The following SPAG17 variants were observed in gnomAD, a reference collection of about 807,000 sequenced individuals.
SPAG17 encodes the protein sperm-associated antigen 17.
A neutral mutation model predicts 273.6 loss-of-function variants in SPAG17; 169 were observed. The observed-to-expected ratio is 0.62, with a 90% CI of 0.55 to 0.70. SPAG17 has a LOEUF of 0.70. Among genes scored for constraint, SPAG17 ranks in the 30% least tolerant of loss-of-function variants. The pLI, the probability that SPAG17 is intolerant of heterozygous loss-of-function variation, is 0.00. For synonymous variants in SPAG17, 825 were observed against 873.2 expected (o/e 0.94, Z 0.97); for missense variants, 2,557 against 2,627.8 (o/e 0.97, Z 0.59).
At chr1:118,134,282 G>C (rs887610507) in intron 3 of SPAG17, among the ~76,000 whole-genome samples, 13 of 151,994 alleles carry the variant, frequency 8.6e-5, no homozygotes, top group Non-Finnish European at 1.5e-5. Flanking sequence ...ACTGAATAAG[G>C]ATTTAGAAAA....
At chr1:118,114,178 G>C (rs1242232959) in intron 4 of SPAG17, among the ~76,000 whole-genome samples, 1 of 152,044 alleles carries the variant, frequency 6.6e-6, no homozygotes, top group Non-Finnish European at 1.5e-5. Flanking sequence ...TAATTACCCT[G>C]AGTATTTCTT....
At chr1:118,035,925 G>A (rs79871959) in intron 24 of SPAG17, among the ~76,000 whole-genome samples, 49 of 152,162 alleles carry the variant, frequency 3.2e-4, no homozygotes, top group African/African-American at 1.2e-3. Context: ...AGGTGCAGTG[G>A]TTCACGTTTG....
chr1:118,059,142 A>T (rs1008945807), intron 18 of SPAG17, among the ~76,000 whole-genome samples: 9 of 152,176 alleles, frequency 5.9e-5, no homozygotes, highest in Non-Finnish European at 1.3e-4. Context: ...ATCTAAATAG[A>T]GGATTACTTT....
intron 28 of SPAG17, among the ~76,000 whole-genome samples, chr1:118,017,146 G>T (rs1326705782): frequency 6.6e-6 from 1 of 152,128 alleles, no homozygotes; most frequent in Non-Finnish European, 1.5e-5. Context: ...CCTAAAATTT[G>T]ATTTGGACAT....
intron 3 of SPAG17, among the ~76,000 whole-genome samples, chr1:118,143,149 A>C (rs1354545366): frequency 6.6e-6 from 1 of 152,238 alleles, no homozygotes; most frequent in Non-Finnish European, 1.5e-5. Flanking sequence ...ATATACCTTC[A>C]TGTTTTTGCC....
At chr1:118,065,600 T>C (rs1283279218) in intron 18 of SPAG17, among the ~76,000 whole-genome samples, 2 of 152,020 alleles carry the variant, frequency 1.3e-5, no homozygotes, top group Non-Finnish European at 2.9e-5. Flanking sequence ...ATAAAGAAGA[T>C]AACATAATGG....
At chr1:118,040,204 C>T (rs1649572172) in intron 22 of SPAG17, among the ~76,000 whole-genome samples, 1 of 152,108 alleles carries the variant, frequency 6.6e-6, no homozygotes, top group African/African-American at 2.4e-5. Context: ...GAGCTATCAT[C>T]CCTCAAAATT....
intron 31 of SPAG17, among the ~76,000 whole-genome samples, chr1:118,007,046 A>G (rs1186752083): frequency 6.6e-6 from 1 of 151,104 alleles, no homozygotes; most frequent in African/African-American, 2.4e-5. Context: ...AACATCTTCT[A>G]TTCTGTAGTT....
intron 18 of SPAG17, among the ~76,000 whole-genome samples, chr1:118,063,889 G>GA (rs1301720600): frequency 6.6e-6 from 1 of 151,814 alleles, no homozygotes; most frequent in Non-Finnish European, 1.5e-5. Flanking sequence ...GAATTTACAA[G>GA]AAAAAAACAA....
chr1:117,997,566 TAAA>T (rs11428560), intron 32 of SPAG17, among the ~76,000 whole-genome samples: 4 of 123,384 alleles, frequency 3.2e-5, no homozygotes, highest in Admixed American at 1.7e-4. Context: ...GAATGAGAAG[TAAA>T]AAAAAAAAAA....
In SPAG17 at chr1:118,091,920, T is replaced by C. The variant is rs1167083873; in HGVS notation, c.1246+10A>G. The C allele has an allele frequency of 1.2e-6, 2 of 1,613,410 alleles. No homozygotes were observed. Among genetic ancestry groups the C allele is most frequent in the African/African-American group, 2.7e-5 (2 of 74,910 alleles). On this transcript the variant is annotated intron_variant, in intron 9 of 48. Transcript: ENST00000336338. ...GGTGTTGATCCTCCAGCAGCCGATT[T>C]CATACATGCCTGGTGGTGGAGCTTG...
intron 20 of SPAG17, among the ~76,000 whole-genome samples, chr1:118,047,907 C>T (rs772679492): frequency 1.3e-5 from 2 of 152,184 alleles, no homozygotes; most frequent in Non-Finnish European, 2.9e-5. Flanking sequence ...CATGTTCCAG[C>T]AGACAAAAGG....
At chr1:118,055,184 A>C (rs1482735526) in intron 19 of SPAG17, among the ~76,000 whole-genome samples, 1 of 152,026 alleles carries the variant, frequency 6.6e-6, no homozygotes, top group Non-Finnish European at 1.5e-5. Context: ...CAACATCATC[A>C]ACAACAAAGG....
At chr1:118,099,333 G>A (rs1189088820) in intron 6 of SPAG17, among the ~76,000 whole-genome samples, 2 of 152,194 alleles carry the variant, frequency 1.3e-5, no homozygotes, top group African/African-American at 4.8e-5. Context: ...AGAAAAGGCA[G>A]TTGGATAACC....
intron 11 of SPAG17, 27 bp from the exon 12 acceptor site, chr1:118,086,811 T>G (rs1558002845): frequency 1.2e-6 from 2 of 1,613,992 alleles, no homozygotes; most frequent in Non-Finnish European, 1.7e-6. Flanking sequence ...AATATTGATT[T>G]AAAGAGAGGA....
intron 18 of SPAG17, among the ~76,000 whole-genome samples, chr1:118,062,962 T>C (rs1652508981): frequency 6.6e-6 from 1 of 152,134 alleles, no homozygotes. Context: ...TAGCCAAGTG[T>C]TTAAAATGAA....
chr1:118,027,352 A>T (rs965509669), intron 26 of SPAG17, among the ~76,000 whole-genome samples: 2 of 152,228 alleles, frequency 1.3e-5, no homozygotes, highest in African/African-American at 4.8e-5. Flanking sequence ...GCTGGGAAGT[A>T]AATAAAACAT....
At chr1:118,173,407 G>C (rs1660508411) in intron 1 of SPAG17, among the ~76,000 whole-genome samples, 2 of 152,052 alleles carry the variant, frequency 1.3e-5, no homozygotes, top group South Asian at 2.1e-4. Context: ...GCAGCCCAAG[G>C]GACTGTTTTA....
rs141197952 is a variant in SPAG17 at position 117,973,485 on chromosome 1, T to C, written c.6081A>G (p.Glu2027=). Residue 2027 remains glutamate, a synonymous_variant, in exon 44 of 49, where the codon GAA becomes GAG. Coordinates refer to ENST00000336338, the MANE Select transcript of SPAG17 (RefSeq NM_206996.4). ...GCAAATAATGAGGCAACTTCACTTT[T>C]TCTTTTCTTGTTTGTCCCGCAACAT... The part of the protein sequence containing the change: ...LQDVAGQTRK[E]KVKLPHYLLS... 7 of 1,613,998 alleles carry C rather than the reference T, an allele frequency of 4.3e-6. No homozygotes were observed. The highest frequency in any genetic ancestry group is 5.9e-6 in the Non-Finnish European group (7 of 1,179,972).
Sources: gnomAD v4.1 joint callset for allele counts (sites outside exome capture counted in the v4.1 genomes callset) on GRCh38, gnomAD v4.1.1 for gene constraint, MANE v1.5 for transcripts, NCBI Gene and HGNC (gene_info 2026-07-23, HGNC 2026-07-21) for gene names.